ZNF277: variants seen among roughly 807,000 people sequenced by gnomAD.
ZNF277 encodes nuclear receptor-interacting factor 4.
A neutral mutation model predicts 60.7 loss-of-function variants in ZNF277; 55 were observed. That is an observed-to-expected ratio of 0.91 (90% CI 0.73 to 1.13). The LOEUF (loss-of-function observed/expected upper bound fraction) is 1.13, where lower values mean the gene tolerates loss of function less well. ZNF277 is among the 50% of genes most tolerant of loss of function. The pLI, the probability that ZNF277 is intolerant of heterozygous loss-of-function variation, is 0.00. For missense variants in ZNF277, 510 were observed against 523.0 expected (o/e 0.98, Z 0.24); for synonymous variants, 178 against 179.3 (o/e 0.99, Z 0.06).
chr7:112,293,197 A>T (rs1171847803), intron 2 of ZNF277, among the ~76,000 whole-genome samples: 1 of 152,120 alleles, frequency 6.6e-6, no homozygotes, highest in Non-Finnish European at 1.5e-5. Flanking sequence ...TGATACTTTG[A>T]CCACTGTCTT....
chr7:112,306,212 C>CTTT (rs555931160), intron 4 of ZNF277, among the ~76,000 whole-genome samples: 21 of 116,898 alleles, frequency 1.8e-4, no homozygotes, highest in Non-Finnish European at 2.9e-4. Context: ...TCTGAATGTT[C>CTTT]TTTTTTTTTT....
intron 1 of ZNF277, among the ~76,000 whole-genome samples, chr7:112,242,454 G>A (rs1790980447): frequency 6.6e-6 from 1 of 150,938 alleles, no homozygotes; most frequent in Non-Finnish European, 1.5e-5. Context: ...CAGTACAGTT[G>A]CAGGATGTTA....
intron 5 of ZNF277, among the ~76,000 whole-genome samples, chr7:112,319,260 A>C (rs948798229): frequency 2.6e-5 from 4 of 152,058 alleles, no homozygotes; most frequent in African/African-American, 4.8e-5. Context: ...CTTTATGATG[A>C]ACATTCCCCA....
intron 4 of ZNF277, among the ~76,000 whole-genome samples, chr7:112,302,071 A>G (rs1316428865): frequency 6.6e-6 from 1 of 152,168 alleles, no homozygotes; most frequent in Admixed American, 6.6e-5. Flanking sequence ...TAACTTAACT[A>G]AATTGGGAAA....
chr7:112,314,603 G>A (rs376237226), intron 4 of ZNF277, among the ~76,000 whole-genome samples: 51 of 152,152 alleles, frequency 3.4e-4, no homozygotes, highest in African/African-American at 1.2e-3. Flanking sequence ...AGGCCAGCCT[G>A]GGCAAGATGG....
chr7:112,319,260 A>G (rs948798229), intron 5 of ZNF277, among the ~76,000 whole-genome samples: 3 of 152,058 alleles, frequency 2.0e-5, no homozygotes, highest in African/African-American at 7.2e-5. Context: ...CTTTATGATG[A>G]ACATTCCCCA....
At position 112,327,723 on chromosome 7, in the gene ZNF277, TA is replaced by T. The variant is rs2117126263; in HGVS notation, c.565del (p.Ile189PhefsTer2). ...NEEFLGNRSV[I>X]LNHMAREHAF... ...TGCTCAAATTTCTTCCTAGATCTGTTATTTTGAACCACATGGCCAGAGAACA... is the reference window on the plus strand; with the variant it reads ...TGCTCAAATTTCTTCCTAGATCTGTTTTTTGAACCACATGGCCAGAGAACA... On this transcript the variant is annotated frameshift_variant, in exon 6 of 12. Coordinates refer to ENST00000361822, the MANE Select transcript of ZNF277 (RefSeq NM_021994.3). LOFTEE classifies it high-confidence loss of function. 1.2e-6 allele frequency: 2 copies of T among 1,610,766 alleles called. No individual in the cohort carries two copies. Among genetic ancestry groups the T allele is most frequent in the East Asian group, 4.5e-5 (2 of 44,756 alleles).
intron 1 of ZNF277, among the ~76,000 whole-genome samples, chr7:112,218,959 T>A (rs1821957291): frequency 6.6e-6 from 1 of 152,212 alleles, no homozygotes; most frequent in Non-Finnish European, 1.5e-5. Flanking sequence ...GCACACTGAT[T>A]TCATTTTCTT....
At chr7:112,318,812 A>G (rs1277685490) in intron 5 of ZNF277, among the ~76,000 whole-genome samples, 1 of 151,946 alleles carries the variant, frequency 6.6e-6, no homozygotes, top group African/African-American at 2.4e-5. Flanking sequence ...CCATAAACTC[A>G]TATGGTCCCA....
chr7:112,291,061 A>C (rs1384419710), intron 2 of ZNF277, among the ~76,000 whole-genome samples: 1 of 152,288 alleles, frequency 6.6e-6, no homozygotes, highest in South Asian at 2.1e-4. Flanking sequence ...ATGAAACAAA[A>C]TAACACTAAA....
chr7:112,297,882 C>A (rs959278475), intron 4 of ZNF277, among the ~76,000 whole-genome samples: 16 of 152,192 alleles, frequency 1.1e-4, no homozygotes, highest in Non-Finnish European at 2.1e-4. Flanking sequence ...CATTCTTGTT[C>A]TTTAGCATGC....
At chr7:112,269,985 G>A (rs1360477707) in intron 1 of ZNF277, among the ~76,000 whole-genome samples, 1 of 152,078 alleles carries the variant, frequency 6.6e-6, no homozygotes, top group Non-Finnish European at 1.5e-5. Flanking sequence ...TCATATGGGG[G>A]AAGAGGGCTA....
intron 4 of ZNF277, among the ~76,000 whole-genome samples, chr7:112,302,949 C>CTTTTTTTTTTT (rs34593342): frequency 7.5e-6 from 1 of 132,898 alleles, no homozygotes; most frequent in African/African-American, 2.9e-5. Context: ...GCAAATAGGC[C>CTTTTTTTTTTT]TTTTTTTTTT....
intron 1 of ZNF277, among the ~76,000 whole-genome samples, chr7:112,268,347 ATTTT>A (rs145203057): frequency 2.0e-5 from 3 of 147,316 alleles, no homozygotes; most frequent in Non-Finnish European, 4.5e-5. Context: ...GTAGGGCTTA[ATTTT>A]TTTTTTTTTA....
intron 7 of ZNF277, among the ~76,000 whole-genome samples, chr7:112,332,891 G>A (rs1393539812): frequency 6.6e-6 from 1 of 152,104 alleles, no homozygotes; most frequent in Non-Finnish European, 1.5e-5. Flanking sequence ...ATCAGGCTTA[G>A]TAACATTCTA....
At chr7:112,244,613 A>G (rs1297870432) in intron 1 of ZNF277, among the ~76,000 whole-genome samples, 1 of 152,198 alleles carries the variant, frequency 6.6e-6, no homozygotes, top group Non-Finnish European at 1.5e-5. Flanking sequence ...AGAGCAAAAA[A>G]AAGTTAGATG....
At chr7:112,259,789 T>G (rs1791401496) in intron 1 of ZNF277, among the ~76,000 whole-genome samples, 1 of 152,174 alleles carries the variant, frequency 6.6e-6, no homozygotes, top group Admixed American at 6.6e-5. Flanking sequence ...ATTTTGGACT[T>G]TCAGCCTCTA....
At chr7:112,297,311 T>C (rs1329140975) in intron 4 of ZNF277, among the ~76,000 whole-genome samples, 1 of 152,200 alleles carries the variant, frequency 6.6e-6, no homozygotes, top group Non-Finnish European at 1.5e-5. Context: ...TCCCATTATT[T>C]GTGATTTAAT....
At chr7:112,294,351 C>T (rs1319956621) in intron 2 of ZNF277, among the ~76,000 whole-genome samples, 1 of 152,150 alleles carries the variant, frequency 6.6e-6, no homozygotes, top group Non-Finnish European at 1.5e-5. Flanking sequence ...CTCTATTTAT[C>T]TGCTGTGATG....
Sources: gnomAD v4.1 joint callset for allele counts (sites outside exome capture counted in the v4.1 genomes callset) on GRCh38, gnomAD v4.1.1 for gene constraint, MANE v1.5 for transcripts, NCBI Gene and HGNC (gene_info 2026-07-23, HGNC 2026-07-21) for gene names.